Variants in ARHGAP23 observed in about 807,000 individuals in gnomAD.
ARHGAP23 encodes the protein rho GTPase-activating protein 23.
In ARHGAP23, 34 loss-of-function variants were observed where a neutral mutation model predicts 136.3. That is an observed-to-expected ratio of 0.25 (90% CI 0.19 to 0.33). The LOEUF is 0.33. ARHGAP23 is among the 10% of genes least tolerant of loss of function. The pLI is 1.00. For missense variants in ARHGAP23, 1,808 were observed against 2,139.0 expected (o/e 0.85, Z 3.05); for synonymous variants, 832 against 920.5 (o/e 0.90, Z 1.74).
chr17:38,466,184 C>T lies in ARHGAP23; in HGVS notation c.501C>T (p.Ala167=), dbSNP rs1241037735. 17 of 1,507,048 alleles carry T rather than the reference C, an allele frequency of 1.1e-5. No homozygotes were observed. The highest frequency in any genetic ancestry group is 1.5e-5 in the Non-Finnish European group (17 of 1,120,800). The allele number at this position is 1,507,048 out of a possible 1,614,324, so 93.4% of individuals were successfully genotyped here. Residue 167 remains alanine (A), a synonymous_variant, in exon 7 of 24, where the codon GCC becomes GCT. Transcript: ENST00000622683. ...DILQLAYSQD[A]YLKGNEPYSG... is the part of the protein sequence containing the mutation. ...CTGGCCAGGCCTACTCCCAGGATGCCTACCTGAAAGGGAACGAGCCGTATT... is the reference window on the plus strand; with the variant it reads ...CTGGCCAGGCCTACTCCCAGGATGCTTACCTGAAAGGGAACGAGCCGTATT...
Position 38,510,413 on chromosome 17 carries a change from C to T in ARHGAP23, c.3917C>T (p.Ser1306Phe). 1 of 1,239,028 alleles carries T rather than the reference C, an allele frequency of 8.1e-7. No individual in the cohort carries two copies. The allele number at this position is 1,239,028 out of a possible 1,614,324, so 76.8% of individuals were successfully genotyped here. ...GGGGGGCGCCTGACACGCCGGCCGTCCTTCAGCTCGCACCACCTCATGCCC... is the reference window on the plus strand; with the variant it reads ...GGGGGGCGCCTGACACGCCGGCCGTTCTTCAGCTCGCACCACCTCATGCCC... The part of the protein sequence containing the change: ...GPGGRLTRRP[S>F]FSSHHLMPCD... Residue 1306 changes from serine (S) to phenylalanine (F), a missense_variant, in exon 24 of 24, where the codon TCC becomes TTC. Around this residue, in one of 7 missense-constraint regions of ARHGAP23, gnomAD observed 506 missense variants for 455.8 expected, o/e 1.11. Coordinates refer to ENST00000622683, the MANE Select transcript of ARHGAP23 (RefSeq NM_001199417.2). This position sits in a 1 kb window ranked among gnomAD's most constrained non-coding sequence, Gnocchi z 4.6.
intron 11 of ARHGAP23, among the ~76,000 whole-genome samples, chr17:38,475,211 A>T (rs1216277072): frequency 6.6e-6 from 1 of 152,182 alleles, no homozygotes; most frequent in Non-Finnish European, 1.5e-5. Flanking sequence ...AGAGACACGG[A>T]CTGTCAGGCA....
intron 2 of ARHGAP23, among the ~76,000 whole-genome samples, chr17:38,458,997 A>C (rs560853024): frequency 1.3e-5 from 2 of 152,282 alleles, no homozygotes; most frequent in South Asian, 2.1e-4. Context: ...GCTGTGAGCT[A>C]GGGGGAGGGG....
rs187755898 is a variant in ARHGAP23 at position 38,488,343 on chromosome 17, A to G, written c.2987-1759A>G. ...TTTCATTAGCATATTGGCTGTTTCT[A>G]TTTTCTCTGTAATTGCTCGATCAGA... On this transcript the variant is annotated intron_variant, in intron 17 of 23. Coordinates refer to ENST00000622683, the MANE Select transcript of ARHGAP23 (RefSeq NM_001199417.2). Among the ~76,000 whole-genome samples the G allele has an allele frequency of 5.1e-3, 772 of 151,946 alleles. 6 individuals carry two copies. Among genetic ancestry groups the G allele is most frequent in the African/African-American group, 0.017 (707 of 41,422 alleles).
At chr17:38,504,976 A>ATTT (rs2040598641) in intron 23 of ARHGAP23, among the ~76,000 whole-genome samples, 2 of 54,020 alleles carry the variant, frequency 3.7e-5, no homozygotes, top group Admixed American at 3.0e-4. Flanking sequence ...CTCCCTTATC[A>ATTT]TCTTTTTTTT....
At chr17:38,443,673 G>A (rs1251710548) in intron 1 of ARHGAP23, among the ~76,000 whole-genome samples, 1 of 140,390 alleles carries the variant, frequency 7.1e-6, no homozygotes, top group Non-Finnish European at 1.6e-5. Flanking sequence ...AACCGGGAGG[G>A]ATGGGCAGGG....
In ARHGAP23 at chr17:38,494,349, T is replaced by C. The variant is rs2040342739; in HGVS notation, c.3276+2817T>C. 2.0e-5 allele frequency among the ~76,000 whole-genome samples: 3 copies of C among 152,186 alleles called. No individual in the cohort carries two copies. In the South Asian group the frequency reaches 6.2e-4, roughly 32 times the overall value. On this transcript the variant is annotated intron_variant, in intron 20 of 23. Coordinates refer to ENST00000622683, the MANE Select transcript of ARHGAP23 (RefSeq NM_001199417.2). ...AGTGTCGTGTGAGAACGGACTGTCA[T>C]CCTCTTCGTCGTGGTCATTATTCCA...
chr17:38,463,299 C>T (rs1205889049), intron 5 of ARHGAP23, 29 bp from the exon 6 acceptor site: 2 of 1,551,676 alleles, frequency 1.3e-6, no homozygotes, highest in South Asian at 2.4e-5. Flanking sequence ...GTTCCTTGAC[C>T]CAGCCTGACG....
In ARHGAP23 at chr17:38,482,591, T is replaced by A. The variant is rs772567075; in HGVS notation, c.2820T>A (p.Ile940=). 6.1e-5 allele frequency: 94 copies of A among 1,550,184 alleles called. No homozygotes were observed. Among genetic ancestry groups the A allele is most frequent in the Non-Finnish European group, 1.0e-5 (12 of 1,146,722 alleles). The change falls in exon 16 of 24, where the codon ATT becomes ATA. Residue 940 remains isoleucine (I), a synonymous_variant. Coordinates refer to ENST00000622683, the MANE Select transcript of ARHGAP23 (RefSeq NM_001199417.2). ...VEARGLESTG[I]YRVPGNNAVV... Reference sequence around the variant, plus strand: ...CACGAGGGCTGGAGTCCACAGGCATTTACCGAGTGCCCGGCAACAATGCAG... The same window carrying A: ...CACGAGGGCTGGAGTCCACAGGCATATACCGAGTGCCCGGCAACAATGCAG...
At chr17:38,473,525 C>T (rs2039814692) in intron 11 of ARHGAP23, among the ~76,000 whole-genome samples, 1 of 152,146 alleles carries the variant, frequency 6.6e-6, no homozygotes. Flanking sequence ...CTAAGGCCGC[C>T]CTGCTCGGGA....
chr17:38,454,018 G>C (rs1289028078), intron 1 of ARHGAP23: 2 of 147,062 alleles, frequency 1.4e-5, no homozygotes, highest in Non-Finnish European at 1.5e-5. Flanking sequence ...GCGCGCGGGG[G>C]CCGGGGGCTG....
chr17:38,425,255 A>T (rs549807810), upstream of ARHGAP23, among the ~76,000 whole-genome samples: 1 of 152,192 alleles, frequency 6.6e-6, no homozygotes, highest in East Asian at 1.9e-4. Context: ...CACGATGCCG[A>T]TGCCGGAGCC....
chr17:38,497,916 C>T (rs34147011), intron 21 of ARHGAP23, 90 bp downstream of exon 21: 119,117 of 1,349,854 alleles, frequency 0.088, 6,554 homozygotes, highest in African/African-American at 0.24. Flanking sequence ...GGACTTAAGC[C>T]GGGGAAGGTG....
At chr17:38,485,162 T>A (rs960156262) in intron 16 of ARHGAP23, among the ~76,000 whole-genome samples, 2 of 152,140 alleles carry the variant, frequency 1.3e-5, no homozygotes, top group African/African-American at 4.8e-5. Flanking sequence ...GAAGAACAAT[T>A]ATTTGTTGTG....
chr17:38,492,181 C>T (rs553020967), intron 20 of ARHGAP23, among the ~76,000 whole-genome samples: 1 of 152,276 alleles, frequency 6.6e-6, no homozygotes, highest in African/African-American at 2.4e-5. Flanking sequence ...CCCAGAGTGG[C>T]CAGCAGAGGG....
intron 16 of ARHGAP23, among the ~76,000 whole-genome samples, chr17:38,484,658 G>A (rs1597824706): frequency 1.3e-5 from 2 of 152,306 alleles, no homozygotes; most frequent in South Asian, 4.1e-4. Context: ...GGGCCAGGAG[G>A]TAACGGAGTC....
At chr17:38,421,049 T>C (rs1394524566) in intron 1 of ARHGAP23, among the ~76,000 whole-genome samples, 1 of 152,182 alleles carries the variant, frequency 6.6e-6, no homozygotes. Context: ...CTGCCCATCA[T>C]TGGCCTTCAT....
chr17:38,489,910 TAGCTGTGGTGAGTGC>T (rs934842997), intron 17 of ARHGAP23, 177 bp from the exon 18 acceptor site: 89 of 611,578 alleles, frequency 1.5e-4, no homozygotes, highest in South Asian at 2.0e-4. Flanking sequence ...CACCCGAGTG[TAGCTGTGGTGAGTGC>T]AGCTGTGGTG....
intron 23 of ARHGAP23, among the ~76,000 whole-genome samples, chr17:38,507,276 A>AAATAATAAT (rs56830471): frequency 0.034 from 4,640 of 136,550 alleles, 102 homozygotes; most frequent in Middle Eastern, 0.094. Context: ...CTCCGTCTCA[A>AAATAATAAT]AATAATAATA....
Sources: gnomAD v4.1 joint callset for allele counts (sites outside exome capture counted in the v4.1 genomes callset) on GRCh38, gnomAD v4.1.1 for gene constraint, gnomAD v4.1.1 regional missense constraint, Gnocchi (gnomAD v3.1) non-coding constraint, MANE v1.5 for transcripts, NCBI Gene and HGNC (gene_info 2026-07-23, HGNC 2026-07-21) for gene names.